NDRG3: variants seen among roughly 807,000 people sequenced by gnomAD.
The protein encoded by NDRG3 is protein NDRG3.
NDRG3 carries 23 observed loss-of-function variants against 57.2 expected under a neutral mutation model. The observed-to-expected ratio is 0.40, with a 90% CI of 0.29 to 0.57. The LOEUF (loss-of-function observed/expected upper bound fraction) is 0.57, where lower values mean the gene tolerates loss of function less well. NDRG3 is among the 20% of genes least tolerant of loss of function. The probability of loss-of-function intolerance (pLI) is 0.42; values close to 1 mark genes in which losing one functional copy is unlikely to be tolerated. For missense variants in NDRG3, 384 were observed against 457.3 expected (o/e 0.84, Z 1.46); for synonymous variants, 132 against 162.6 (o/e 0.81, Z 1.43).
chr20:36,660,519 A>G, intron 12 of NDRG3, 135 bp from the exon 13 acceptor site: 1 of 409,926 alleles, frequency 2.4e-6, no homozygotes, highest in Non-Finnish European at 4.5e-6. Flanking sequence ...AGAGATTACC[A>G]AAATACATAG....
At chr20:36,674,798 G>A (rs540383798) in intron 8 of NDRG3, among the ~76,000 whole-genome samples, 31 of 148,572 alleles carry the variant, frequency 2.1e-4, no homozygotes, top group Non-Finnish European at 4.4e-5. Context: ...TGACCAGGCT[G>A]GTCTTAAACT....
At chr20:36,654,826 C>T in intron 15 of NDRG3, 1 of 779,774 alleles carries the variant, frequency 1.3e-6, no homozygotes, top group Admixed American at 1.7e-5. Flanking sequence ...GGTGACTGAG[C>T]TGCACATACG....
At chr20:36,669,996 C>T (rs754425400) in intron 9 of NDRG3, among the ~76,000 whole-genome samples, 1 of 152,188 alleles carries the variant, frequency 6.6e-6, no homozygotes, top group Non-Finnish European at 1.5e-5. Context: ...AATCTCAAGA[C>T]AGTATGTTAA....
chr20:36,718,114 A>T (rs1984380282), intron 2 of NDRG3, among the ~76,000 whole-genome samples: 1 of 152,242 alleles, frequency 6.6e-6, no homozygotes. Context: ...TGGGAGGTTC[A>T]AATGAAGTAA....
chr20:36,695,283 G>A lies in NDRG3; in HGVS notation c.94-6499C>T, dbSNP rs369238837. On this transcript the variant is annotated intron_variant, in intron 3 of 15. Coordinates refer to ENST00000349004, the MANE Select transcript of NDRG3 (RefSeq NM_032013.4). ...ATTGCGTTAACTGCACAAATTGTTC[G>A]TAGAGCATGTGTGTTTGAACAATAT... 7.9e-5 allele frequency among the ~76,000 whole-genome samples: 12 copies of A among 152,168 alleles called. No individual in the cohort carries two copies. In the East Asian group the frequency reaches 1.5e-3, roughly 20 times the overall value.
At chr20:36,664,628 A>G (rs1979463352) in intron 12 of NDRG3, among the ~76,000 whole-genome samples, 1 of 152,220 alleles carries the variant, frequency 6.6e-6, no homozygotes, top group Non-Finnish European at 1.5e-5. Context: ...AAACCCTGAT[A>G]TGTGCAATCA....
Position 36,682,504 on chromosome 20 carries a change from C to T in NDRG3, c.444+14G>A. The T allele has an allele frequency of 6.2e-7, 1 of 1,611,092 alleles. No homozygotes were observed. The highest frequency in any genetic ancestry group is 1.7e-4 in the Middle Eastern group (1 of 6,056). On this transcript the variant is annotated intron_variant, in intron 7 of 15. Coordinates refer to ENST00000349004, the MANE Select transcript of NDRG3 (RefSeq NM_032013.4). ...TGCCTCAAGGATGTTGAGGCTAATC[C>T]TCTACATACTTACTGCAAATCTGCT...
chr20:36,722,267 A>G (rs1268393592), intron 1 of NDRG3, among the ~76,000 whole-genome samples: 1 of 152,116 alleles, frequency 6.6e-6, no homozygotes, highest in East Asian at 1.9e-4. Flanking sequence ...TGCTGCCAAC[A>G]ACAGGAGCCT....
chr20:36,740,223 A>C (rs991868838), intron 1 of NDRG3, among the ~76,000 whole-genome samples: 5 of 152,264 alleles, frequency 3.3e-5, no homozygotes, highest in African/African-American at 4.8e-5. Flanking sequence ...CAGGGAGGAT[A>C]CCAGCTCCAT....
chr20:36,733,161 AAAAAAAAAAAAT>A (rs1985391652), intron 1 of NDRG3, among the ~76,000 whole-genome samples: 2 of 46,406 alleles, frequency 4.3e-5, no homozygotes, highest in African/African-American at 2.4e-4. Flanking sequence ...AAAAAAAAAA[AAAAAAAAAAAAT>A]ATATATATAT....
intron 2 of NDRG3, among the ~76,000 whole-genome samples, chr20:36,721,084 A>G (rs1984563840): frequency 6.6e-6 from 1 of 151,140 alleles, no homozygotes; most frequent in South Asian, 2.1e-4. Flanking sequence ...CCCCACCCTC[A>G]TGCTTTCTGC....
chr20:36,677,121 C>T (rs1410446964), intron 8 of NDRG3, among the ~76,000 whole-genome samples: 10 of 152,138 alleles, frequency 6.6e-5, no homozygotes, highest in Admixed American at 2.0e-4. Flanking sequence ...TGGGGACAAG[C>T]GGGAGCCGGG....
chr20:36,729,095 T>A (rs1985122540), intron 1 of NDRG3, among the ~76,000 whole-genome samples: 1 of 152,146 alleles, frequency 6.6e-6, no homozygotes, highest in Non-Finnish European at 1.5e-5. Context: ...ATCTACTGAT[T>A]GTAGGACCCT....
At chr20:36,660,241 A>G (rs1979049332) in intron 13 of NDRG3, 96 bp downstream of exon 13, 2 of 968,518 alleles carry the variant, frequency 2.1e-6, no homozygotes, top group Non-Finnish European at 1.6e-6. Flanking sequence ...AACCAAAGAG[A>G]GGGAAGCTTT....
At chr20:36,714,998 G>T (rs1434150285) in intron 2 of NDRG3, among the ~76,000 whole-genome samples, 1 of 56,882 alleles carries the variant, frequency 1.8e-5, no homozygotes, top group Non-Finnish European at 3.2e-5. Context: ...GTGTGTGTGT[G>T]TGTGTGTGTA....
At chr20:36,683,338 G>A (rs1264338594) in intron 6 of NDRG3, among the ~76,000 whole-genome samples, 3 of 152,032 alleles carry the variant, frequency 2.0e-5, no homozygotes, top group Non-Finnish European at 2.9e-5. Flanking sequence ...CTGAGACCGG[G>A]GGCAGTGGCT....
intron 3 of NDRG3, among the ~76,000 whole-genome samples, chr20:36,705,294 C>G (rs1217153185): frequency 6.7e-6 from 1 of 149,394 alleles, no homozygotes; most frequent in African/African-American, 2.5e-5. Flanking sequence ...TGCACTCCAG[C>G]CTGGGCGACT....
chr20:36,733,164 A>T (rs1600971407), intron 1 of NDRG3, among the ~76,000 whole-genome samples: 1 of 51,418 alleles, frequency 1.9e-5, no homozygotes, highest in Non-Finnish European at 3.8e-5. Flanking sequence ...AAAAAAAAAA[A>T]AAAAAAAATA....
chr20:36,688,758 A>T lies in NDRG3; in HGVS notation c.120T>A (p.Gly40=). 6.2e-7 allele frequency: 1 copy of T among 1,613,822 alleles called. No individual in the cohort carries two copies. Among genetic ancestry groups the T allele is most frequent in the Non-Finnish European group, 8.5e-7 (1 of 1,179,672 alleles). The change falls in exon 4 of 16, where the codon GGT becomes GGA. Residue 40 remains glycine (G), a synonymous_variant. Transcript: ENST00000349004. The stretch of plus-strand genomic sequence containing the variant: ...AGCCTCTTATAGTGACGTGGACCAC[A>T]CCATGAGTTGTTTCTATATCATGTT... ...CQEHDIETTH[G]VVHVTIRGLP... is the part of the protein sequence containing the mutation.
Sources: gnomAD v4.1 joint callset for allele counts (sites outside exome capture counted in the v4.1 genomes callset) on GRCh38, gnomAD v4.1.1 for gene constraint, MANE v1.5 for transcripts, NCBI Gene and HGNC (gene_info 2026-07-23, HGNC 2026-07-21) for gene names.